Variants in RAB3GAP1 observed in about 807,000 individuals in gnomAD.
RAB3GAP1 encodes rab3 GTPase-activating protein catalytic subunit.
A neutral mutation model predicts 130.7 loss-of-function variants in RAB3GAP1; 86 were observed. That is an observed-to-expected ratio of 0.66 (90% CI 0.55 to 0.79). The LOEUF is 0.79. Ranked by LOEUF, RAB3GAP1 falls within the 30% of genes least tolerant of loss-of-function variation. The probability of loss-of-function intolerance (pLI) is 0.00; values close to 1 mark genes in which losing one functional copy is unlikely to be tolerated. For missense variants in RAB3GAP1, 1,029 were observed against 1,169.4 expected, an observed-to-expected ratio of 0.88 and a Z score of 1.75; for synonymous variants, 367 against 401.7, an observed-to-expected ratio of 0.91 and a Z score of 1.03.
At chr2:135,068,730 G>T (rs1191794293) in intron 3 of RAB3GAP1, among the ~76,000 whole-genome samples, 1 of 152,172 alleles carries the variant, frequency 6.6e-6, no homozygotes, top group Non-Finnish European at 1.5e-5. Flanking sequence ...TCCTGCCTCG[G>T]TGACAGAGTG....
intron 24 of RAB3GAP1, chr2:135,176,159 G>A (rs570561294): frequency 6.6e-6 from 1 of 152,210 alleles, no homozygotes; most frequent in South Asian, 2.1e-4. Flanking sequence ...GAAGAATAAG[G>A]TCATGGATAT....
At chr2:135,120,267 A>G (rs1038807865) in intron 7 of RAB3GAP1, among the ~76,000 whole-genome samples, 3 of 152,212 alleles carry the variant, frequency 2.0e-5, no homozygotes. Context: ...ATAGAATGTA[A>G]TATCTCTTTT....
At chr2:135,067,837 C>T (rs1689363524) in intron 3 of RAB3GAP1, among the ~76,000 whole-genome samples, 1 of 152,182 alleles carries the variant, frequency 6.6e-6, no homozygotes, top group Non-Finnish European at 1.5e-5. Context: ...CTCAGGTTAT[C>T]CTTCCACCTC....
intron 17 of RAB3GAP1, among the ~76,000 whole-genome samples, chr2:135,141,021 T>A (rs1182393673): frequency 6.6e-6 from 1 of 152,188 alleles, no homozygotes; most frequent in Non-Finnish European, 1.5e-5. Context: ...TCTTGTGGTT[T>A]TACATTTTCC....
At chr2:135,105,194 TCTCCCC>T (rs1460496301) in intron 5 of RAB3GAP1, among the ~76,000 whole-genome samples, 1 of 115,022 alleles carries the variant, frequency 8.7e-6, no homozygotes, top group Non-Finnish European at 1.7e-5. Context: ...TCCCTCTCCC[TCTCCCC>T]CTTCCCTCTC....
At chr2:135,147,508 G>A (rs1466467287) in intron 17 of RAB3GAP1, among the ~76,000 whole-genome samples, 1 of 151,908 alleles carries the variant, frequency 6.6e-6, no homozygotes, top group Non-Finnish European at 1.5e-5. Flanking sequence ...GTTTGTTCAG[G>A]ATTAAGTCAC....
intron 4 of RAB3GAP1, among the ~76,000 whole-genome samples, chr2:135,092,417 C>A (rs998120272): frequency 6.6e-6 from 1 of 152,114 alleles, no homozygotes; most frequent in Non-Finnish European, 1.5e-5. Flanking sequence ...GACTGTGGTA[C>A]AATGAAGGTG....
intron 5 of RAB3GAP1, among the ~76,000 whole-genome samples, chr2:135,109,276 T>C (rs540144664): frequency 2.0e-4 from 30 of 152,270 alleles, no homozygotes; most frequent in African/African-American, 6.5e-4. Flanking sequence ...AGAACTAATA[T>C]CTTGATAATA....
At chr2:135,122,917 T>C (rs13402463) in intron 8 of RAB3GAP1, among the ~76,000 whole-genome samples, 3,682 of 152,086 alleles carry the variant, frequency 0.024, 125 homozygotes, top group African/African-American at 0.082. Context: ...TTAGTAGATA[T>C]GGGGTTTCAC....
intron 5 of RAB3GAP1, among the ~76,000 whole-genome samples, chr2:135,107,873 G>A (rs993620907): frequency 4.0e-5 from 6 of 151,356 alleles, no homozygotes; most frequent in Non-Finnish European, 8.8e-5. Flanking sequence ...TACTCAGGAG[G>A]CTGAGACAGG....
In RAB3GAP1 at chr2:135,082,628, A is replaced by G. The variant is rs187961500; in HGVS notation, c.151-8370A>G. On this transcript the variant is annotated intron_variant, in intron 3 of 23. Coordinates refer to ENST00000264158, the MANE Select transcript of RAB3GAP1 (RefSeq NM_012233.3). Reference sequence around the variant, plus strand: ...GGTAATTTTTGTATTTTTAGTAGAGATGGGGTTTCACCATGTTGGTCAGGC... The same window carrying G: ...GGTAATTTTTGTATTTTTAGTAGAGGTGGGGTTTCACCATGTTGGTCAGGC... 1.4e-4 allele frequency among the ~76,000 whole-genome samples: 21 copies of G among 151,940 alleles called. No homozygotes were observed. In the East Asian group the frequency reaches 4.1e-3, roughly 29 times the overall value.
intron 9 of RAB3GAP1, among the ~76,000 whole-genome samples, chr2:135,125,752 A>G (rs1290716018): frequency 6.6e-6 from 1 of 152,218 alleles, no homozygotes; most frequent in Non-Finnish European, 1.5e-5. Flanking sequence ...TACTCAGAAC[A>G]ACATGCAACT....
chr2:135,095,188 AC>A (rs1166747499), intron 5 of RAB3GAP1, among the ~76,000 whole-genome samples: 1 of 152,172 alleles, frequency 6.6e-6, no homozygotes. Context: ...AGCTGGGACT[AC>A]ATGTGTCCAC....
intron 3 of RAB3GAP1, among the ~76,000 whole-genome samples, chr2:135,062,363 A>G (rs922006703): frequency 1.3e-5 from 2 of 152,246 alleles, no homozygotes; most frequent in Admixed American, 1.3e-4. Flanking sequence ...ACATGTTTCC[A>G]GTTGTGACAA....
intron 23 of RAB3GAP1, chr2:135,165,032 T>TGAGAATG: frequency 2.4e-6 from 1 of 413,224 alleles, no homozygotes; most frequent in Non-Finnish European, 4.8e-6. Flanking sequence ...TACTTTCAAA[T>TGAGAATG]GAGAATGGAG....
At chr2:135,112,828 T>A (rs1457326375) in intron 5 of RAB3GAP1, among the ~76,000 whole-genome samples, 328 of 125,798 alleles carry the variant, frequency 2.6e-3, no homozygotes, top group African/African-American at 9.5e-3. Context: ...TCTCTCTCTC[T>A]CTCTCTCACA....
chr2:135,129,904 A>G (rs1691480330), intron 11 of RAB3GAP1, 91 bp from the exon 12 acceptor site: 1 of 868,006 alleles, frequency 1.2e-6, no homozygotes, highest in Non-Finnish European at 1.9e-6. Context: ...ATCTTAGTTA[A>G]TAGCTTTTGT....
At chr2:135,144,842 C>T (rs760149305) in intron 17 of RAB3GAP1, among the ~76,000 whole-genome samples, 8 of 152,120 alleles carry the variant, frequency 5.3e-5, no homozygotes, top group Non-Finnish European at 1.0e-4. Context: ...GTTGTAAATG[C>T]GGTATTCTCT....
At chr2:135,104,316 T>G (rs1305943230) in intron 5 of RAB3GAP1, among the ~76,000 whole-genome samples, 2 of 152,122 alleles carry the variant, frequency 1.3e-5, no homozygotes, top group African/African-American at 2.4e-5. Context: ...CTTGCTACAA[T>G]GTATTATCAA....
Sources: gnomAD v4.1 joint callset for allele counts (sites outside exome capture counted in the v4.1 genomes callset) on GRCh38, gnomAD v4.1.1 for gene constraint, MANE v1.5 for transcripts, NCBI Gene and HGNC (gene_info 2026-07-23, HGNC 2026-07-21) for gene names.